Variants in HS6ST3 observed in about 807,000 individuals in gnomAD.
The protein encoded by HS6ST3 is heparan-sulfate 6-O-sulfotransferase 3.
In HS6ST3, 12 loss-of-function variants were observed where a neutral mutation model predicts 36.7. That is an observed-to-expected ratio of 0.33 (90% CI 0.21 to 0.53). The LOEUF is 0.53. Ranked by LOEUF, HS6ST3 falls within the 20% of genes least tolerant of loss-of-function variation. The pLI is 0.95. For missense variants in HS6ST3, 584 were observed against 640.9 expected (o/e 0.91, Z 0.96); for synonymous variants, 240 against 257.5 (o/e 0.93, Z 0.65).
Position 96,583,204 on chromosome 13 carries a change from C to CTTTTTTTTTTT in HS6ST3, c.708-249269_708-249259dup, listed in dbSNP as rs71292889. ...AATGGCTTCAATTTCTTTTTCTTTT[C>CTTTTTTTTTTT]TTTTTTTTTTTTTTTTTTTTTTTTT... is the stretch of plus-strand genomic sequence containing the variant. On this transcript the variant is annotated intron_variant, in intron 1 of 1. Transcript: ENST00000376705. 4.1e-3 allele frequency among the ~76,000 whole-genome samples: 216 copies of CTTTTTTTTTTT among 52,930 alleles called. 62 individuals carry two copies. The highest frequency in any genetic ancestry group is 7.7e-3 in the African/African-American group (96 of 12,424). 34.7% of individuals were successfully genotyped at this position (52,930 alleles called of 152,430 possible).
At chr13:96,771,263 G>A (rs1323745476) in intron 1 of HS6ST3, among the ~76,000 whole-genome samples, 2 of 130,858 alleles carry the variant, frequency 1.5e-5, no homozygotes, top group South Asian at 5.3e-4. Context: ...ACACACCGGG[G>A]CCTGTTGTGG....
chr13:96,485,247 C>A (rs1022367874), intron 1 of HS6ST3, among the ~76,000 whole-genome samples: 3 of 152,034 alleles, frequency 2.0e-5, no homozygotes, highest in Non-Finnish European at 2.9e-5. Context: ...TTATGTATTT[C>A]TTCTTGAGTT....
chr13:96,818,002 A>T (rs1878458253), intron 1 of HS6ST3, among the ~76,000 whole-genome samples: 1 of 152,240 alleles, frequency 6.6e-6, no homozygotes, highest in African/African-American at 2.4e-5. Context: ...TCAGATTTAC[A>T]TATAGCCATG....
rs532774980 is a variant in HS6ST3, at chr13:96,602,951, C to T, written c.708-229539C>T. On this transcript the variant is annotated intron_variant, in intron 1 of 1. Coordinates refer to ENST00000376705, the MANE Select transcript of HS6ST3 (RefSeq NM_153456.4). Reference sequence around the variant, plus strand: ...TTAATGTAAAATTGTCCTTCCTACCCTCTTCAATGTGTCTTTTCTTATTGT... The same window carrying T: ...TTAATGTAAAATTGTCCTTCCTACCTTCTTCAATGTGTCTTTTCTTATTGT... Among the ~76,000 whole-genome samples, 4 of 152,258 alleles carry T rather than the reference C, an allele frequency of 2.6e-5. No homozygotes were observed. In the East Asian group the frequency reaches 5.8e-4, roughly 22 times the overall value.
chr13:96,458,508 C>T (rs2055765260), intron 1 of HS6ST3, among the ~76,000 whole-genome samples: 1 of 151,916 alleles, frequency 6.6e-6, no homozygotes, highest in South Asian at 2.1e-4. Context: ...GGAACAAAGC[C>T]TTAGCAAGCA....
intron 1 of HS6ST3, among the ~76,000 whole-genome samples, chr13:96,823,315 T>C (rs1372841147): frequency 6.6e-6 from 1 of 152,220 alleles, no homozygotes; most frequent in African/African-American, 2.4e-5. Flanking sequence ...CAGATTCTTG[T>C]TTAAAATACA....
intron 1 of HS6ST3, among the ~76,000 whole-genome samples, chr13:96,654,786 A>T (rs534257709): frequency 1.3e-5 from 2 of 152,296 alleles, no homozygotes; most frequent in East Asian, 3.9e-4. Flanking sequence ...TGATTGAAAC[A>T]AAAGATGTCT....
chr13:96,221,372 C>T (rs1249012515), intron 1 of HS6ST3, among the ~76,000 whole-genome samples: 1 of 152,134 alleles, frequency 6.6e-6, no homozygotes, highest in African/African-American at 2.4e-5. Context: ...GTTTCATTGC[C>T]TGTGGGGTAT....
In HS6ST3 at chr13:96,345,752, T is replaced by C. The variant is rs568257979; in HGVS notation, c.707+254183T>C. ...CAGGCATTAGATCAGAGGTGTCCAA[T>C]ATTTTGGCTTCCCTGGACCACATTG... On this transcript the variant is annotated intron_variant, in intron 1 of 1. Coordinates refer to ENST00000376705, the MANE Select transcript of HS6ST3 (RefSeq NM_153456.4). Among the ~76,000 whole-genome samples, 98 of 152,268 alleles carry C rather than the reference T, an allele frequency of 6.4e-4. 1 individual carries two copies. Among genetic ancestry groups the C allele is most frequent in the African/African-American group, 2.4e-3 (98 of 41,556 alleles).
intron 1 of HS6ST3, among the ~76,000 whole-genome samples, chr13:96,685,708 A>G (rs973231482): frequency 1.3e-5 from 2 of 152,056 alleles, no homozygotes; most frequent in Admixed American, 1.3e-4. Context: ...CCTCAAGGAG[A>G]TAAAATATAT....
At chr13:96,340,213 C>T (rs1020406414) in intron 1 of HS6ST3, among the ~76,000 whole-genome samples, 1 of 152,106 alleles carries the variant, frequency 6.6e-6, no homozygotes, top group Non-Finnish European at 1.5e-5. Flanking sequence ...ACCCAGAGGT[C>T]CTGGACTTGG....
chr13:96,451,606 C>T (rs1299840257), intron 1 of HS6ST3, among the ~76,000 whole-genome samples: 1 of 152,142 alleles, frequency 6.6e-6, no homozygotes, highest in East Asian at 1.9e-4. Flanking sequence ...TTATGAAAAG[C>T]CATCTTGTGC....
chr13:96,208,962 T>C (rs1267861760), intron 1 of HS6ST3, among the ~76,000 whole-genome samples: 1 of 152,186 alleles, frequency 6.6e-6, no homozygotes, highest in Non-Finnish European at 1.5e-5. Flanking sequence ...AAATACTGTT[T>C]TTAACATTAC....
chr13:96,569,424 G>T (rs1008205649), intron 1 of HS6ST3, among the ~76,000 whole-genome samples: 5 of 152,122 alleles, frequency 3.3e-5, no homozygotes, highest in Non-Finnish European at 7.3e-5. Flanking sequence ...GCAGAGAGAT[G>T]GAAAGAGCCT....
chr13:96,227,114 A>G (rs2054484403), intron 1 of HS6ST3, among the ~76,000 whole-genome samples: 1 of 152,174 alleles, frequency 6.6e-6, no homozygotes, highest in Non-Finnish European at 1.5e-5. Context: ...GTTTTACATG[A>G]TCCCATATTT....
At chr13:96,120,456 C>T (rs2053919834) in intron 1 of HS6ST3, among the ~76,000 whole-genome samples, 1 of 152,200 alleles carries the variant, frequency 6.6e-6, no homozygotes, top group African/African-American at 2.4e-5. Flanking sequence ...GGTTATAAGA[C>T]ATTCTATATG....
At chr13:96,691,376 G>A (rs915645770) in intron 1 of HS6ST3, among the ~76,000 whole-genome samples, 1 of 152,012 alleles carries the variant, frequency 6.6e-6, no homozygotes, top group Non-Finnish European at 1.5e-5. Flanking sequence ...GTACTTGAAG[G>A]AACCCTATTG....
chr13:96,408,297 T>C (rs7983282), intron 1 of HS6ST3, among the ~76,000 whole-genome samples: 77,481 of 151,782 alleles, frequency 0.51, 20,113 homozygotes, highest in Middle Eastern at 0.6. Flanking sequence ...CCAATATTCC[T>C]ATTTCAAAGT....
At chr13:96,296,218 C>T (rs374480340) in intron 1 of HS6ST3, among the ~76,000 whole-genome samples, 1 of 152,140 alleles carries the variant, frequency 6.6e-6, no homozygotes, top group African/African-American at 2.4e-5. Flanking sequence ...ATTTTAAATA[C>T]CAGACTGACC....
Sources: allele counts gnomAD v4.1 joint callset (sites outside exome capture counted in the v4.1 genomes callset), GRCh38; gene constraint gnomAD v4.1.1; transcripts MANE v1.5; gene names NCBI Gene and HGNC (gene_info 2026-07-23, HGNC 2026-07-21).